Variants in NAALADL2 observed in about 807,000 individuals in gnomAD.
NAALADL2 encodes the protein inactive N-acetylated-alpha-linked acidic dipeptidase-like protein 2.
NAALADL2 carries 76 observed loss-of-function variants against 87.2 expected under a neutral mutation model. That is an observed-to-expected ratio of 0.87 (90% CI 0.72 to 1.05). The LOEUF (loss-of-function observed/expected upper bound fraction) is 1.05, where lower values mean the gene tolerates loss of function less well. Ranked by LOEUF, NAALADL2 falls within the 50% of genes least tolerant of loss-of-function variation. The probability of loss-of-function intolerance (pLI) is 0.00; values close to 1 mark genes in which losing one functional copy is unlikely to be tolerated. For missense variants in NAALADL2, 1,089 were observed against 945.8 expected (o/e 1.15, Z -1.99); for synonymous variants, 354 against 331.0 (o/e 1.07, Z -0.75).
intron 5 of NAALADL2, among the ~76,000 whole-genome samples, chr3:175,346,758 G>GT (rs1273435798): frequency 6.6e-6 from 1 of 152,126 alleles, no homozygotes; most frequent in Non-Finnish European, 1.5e-5. Context: ...GGTCGAGAGG[G>GT]TTAAACGACT....
Position 175,075,952 on chromosome 3 carries a change from G to A in NAALADL2, c.44-20838G>A, listed in dbSNP as rs144537875. Among the ~76,000 whole-genome samples the A allele has an allele frequency of 4.1e-3, 627 of 152,264 alleles. 2 individuals carry two copies. The highest frequency in any genetic ancestry group is 6.7e-3 in the Non-Finnish European group (453 of 68,022). On this transcript the variant is annotated intron_variant, in intron 1 of 13. Coordinates refer to ENST00000454872, the MANE Select transcript of NAALADL2 (RefSeq NM_207015.3). ...AAAATAATATGTCATAACAGGCCAG[G>A]CATAGTGAGTGGTTCACGTAATCCC...
intron 1 of NAALADL2, among the ~76,000 whole-genome samples, chr3:174,873,902 G>T (rs1310689778): frequency 6.6e-6 from 1 of 151,744 alleles, no homozygotes; most frequent in Non-Finnish European, 1.5e-5. Flanking sequence ...AAAGAATTCT[G>T]CCATCAAATA....
Position 175,367,614 on chromosome 3 carries a change from T to G in NAALADL2, c.1090+43289T>G, listed in dbSNP as rs181687232. On this transcript the variant is annotated intron_variant, in intron 5 of 13. Transcript: ENST00000454872. ...GGATTCCTAAGTATTTTATTCTCTT[T>G]GAAGCAATTGTGAATGGGAGTTCAC... Among the ~76,000 whole-genome samples, 415 of 152,286 alleles carry G rather than the reference T, an allele frequency of 2.7e-3. 3 individuals carry two copies. The highest frequency in any genetic ancestry group is 0.017 in the Middle Eastern group (5 of 294).
At chr3:174,507,336 G>A (rs1719260335) in intron 1 of NAALADL2, among the ~76,000 whole-genome samples, 1 of 152,152 alleles carries the variant, frequency 6.6e-6, no homozygotes, top group African/African-American at 2.4e-5. Flanking sequence ...TTGTTCAAGA[G>A]CTACAAACTA....
At chr3:175,261,662 T>C (rs561457255) in intron 4 of NAALADL2, among the ~76,000 whole-genome samples, 32 of 152,258 alleles carry the variant, frequency 2.1e-4, no homozygotes, top group South Asian at 6.2e-4. Context: ...GTTTTTTCAT[T>C]ATTCTTATAT....
intron 2 of NAALADL2, among the ~76,000 whole-genome samples, chr3:174,605,722 C>T (rs1718966328): frequency 6.6e-6 from 1 of 152,114 alleles, no homozygotes; most frequent in Non-Finnish European, 1.5e-5. Context: ...TCTGTAGGCT[C>T]CACCTCTGGG....
At chr3:174,968,498 T>C (rs546775044) in intron 1 of NAALADL2, among the ~76,000 whole-genome samples, 1 of 152,140 alleles carries the variant, frequency 6.6e-6, no homozygotes, top group East Asian at 2.0e-4. Context: ...CCTGTTTTTC[T>C]AACTATTTTT....
intron 3 of NAALADL2, among the ~76,000 whole-genome samples, chr3:175,242,796 A>G (rs2109636095): frequency 6.6e-6 from 1 of 152,330 alleles, no homozygotes; most frequent in South Asian, 2.1e-4. Flanking sequence ...ACCCTGCTGC[A>G]TGCAGCTGGC....
At chr3:175,216,737 T>C (rs1027926236) in intron 2 of NAALADL2, among the ~76,000 whole-genome samples, 10 of 149,562 alleles carry the variant, frequency 6.7e-5, no homozygotes, top group African/African-American at 2.5e-4. Flanking sequence ...GGTGTGATCT[T>C]GGCTCATCGC....
At chr3:174,774,484 C>T (rs1287150777) in intron 3 of NAALADL2, among the ~76,000 whole-genome samples, 1 of 152,170 alleles carries the variant, frequency 6.6e-6, no homozygotes, top group African/African-American at 2.4e-5. Context: ...TAATAATGAA[C>T]CAGTACATCC....
At chr3:175,750,257 T>C (rs9875388) in intron 12 of NAALADL2, among the ~76,000 whole-genome samples, 15,767 of 152,180 alleles carry the variant, frequency 0.1, 871 homozygotes, top group African/African-American at 0.14. Flanking sequence ...TGCTACAGGA[T>C]GATCGTTGGC....
intron 1 of NAALADL2, among the ~76,000 whole-genome samples, chr3:175,046,688 G>A (rs565590725): frequency 3.3e-5 from 5 of 152,236 alleles, no homozygotes; most frequent in East Asian, 1.9e-4. Context: ...AAAGGCTTGC[G>A]ACAATCCAAG....
intron 1 of NAALADL2, among the ~76,000 whole-genome samples, chr3:175,095,655 G>A (rs1211907034): frequency 6.6e-6 from 1 of 152,032 alleles, no homozygotes; most frequent in African/African-American, 2.4e-5. Context: ...CACTCCCTTT[G>A]TGAAATCCTT....
chr3:175,736,984 G>A (rs532303764), intron 11 of NAALADL2, among the ~76,000 whole-genome samples: 64 of 152,190 alleles, frequency 4.2e-4, no homozygotes, highest in African/African-American at 1.3e-3. Flanking sequence ...GTGATACTAC[G>A]AACTGTAAGG....
intron 1 of NAALADL2, among the ~76,000 whole-genome samples, chr3:175,073,082 CA>C (rs1715955511): frequency 1.3e-5 from 2 of 151,810 alleles, no homozygotes; most frequent in South Asian, 4.1e-4. Context: ...CCAGCCTTGC[CA>C]CAAATCTGTT....
At chr3:175,458,992 A>G (rs1433598917) in intron 6 of NAALADL2, among the ~76,000 whole-genome samples, 1 of 152,084 alleles carries the variant, frequency 6.6e-6, no homozygotes, top group Non-Finnish European at 1.5e-5. Flanking sequence ...GCCTTCTCAC[A>G]CAGAGGTACA....
At chr3:175,532,059 G>A (rs1260414912) in intron 9 of NAALADL2, among the ~76,000 whole-genome samples, 1 of 152,200 alleles carries the variant, frequency 6.6e-6, no homozygotes, top group Non-Finnish European at 1.5e-5. Context: ...GGGAGCAAAT[G>A]TGGGGATTCT....
intron 13 of NAALADL2, chr3:175,773,393 A>G (rs2150185727): frequency 6.6e-6 from 1 of 152,026 alleles, no homozygotes; most frequent in Non-Finnish European, 1.5e-5. Flanking sequence ...AATTGATATC[A>G]TTGTGTCTAG....
intron 3 of NAALADL2, among the ~76,000 whole-genome samples, chr3:175,248,413 C>T (rs1006671497): frequency 6.6e-6 from 1 of 152,108 alleles, no homozygotes; most frequent in Admixed American, 6.6e-5. Flanking sequence ...CTGGATCACT[C>T]AATAACTGAA....
Sources: gnomAD v4.1 joint callset for allele counts (sites outside exome capture counted in the v4.1 genomes callset) on GRCh38, gnomAD v4.1.1 for gene constraint, MANE v1.5 for transcripts, NCBI Gene and HGNC (gene_info 2026-07-23, HGNC 2026-07-21) for gene names.